Variants in ENPP3 observed in about 807,000 individuals in gnomAD.
The protein encoded by ENPP3 is ectonucleotide pyrophosphatase/phosphodiesterase family member 3.
A neutral mutation model predicts 117.8 loss-of-function variants in ENPP3; 104 were observed. The observed-to-expected ratio is 0.88, with a 90% CI of 0.75 to 1.04. The LOEUF is 1.04. Ranked by LOEUF, ENPP3 falls within the 50% of genes least tolerant of loss-of-function variation. The probability of loss-of-function intolerance (pLI) is 0.00; values close to 1 mark genes in which losing one functional copy is unlikely to be tolerated. For synonymous variants in ENPP3, 380 were observed against 349.9 expected (o/e 1.09, Z -0.96); for missense variants, 1,026 against 1,051.9 (o/e 0.98, Z 0.34).
chr6:131,649,923 T>A, intron 2 of ENPP3, 104 bp from the exon 3 acceptor site: 1 of 1,175,762 alleles, frequency 8.5e-7, no homozygotes, highest in Non-Finnish European at 1.2e-6. Context: ...CATCTAGTTG[T>A]CTGTCATAGT....
At chr6:131,726,466 A>G (rs1157781449) in intron 20 of ENPP3, among the ~76,000 whole-genome samples, 1 of 152,226 alleles carries the variant, frequency 6.6e-6, no homozygotes, top group Non-Finnish European at 1.5e-5. Context: ...AGAAAAGGAC[A>G]TTTTAAACAG....
Position 131,726,208 on chromosome 6 carries a change from C to G in ENPP3, c.1953+8C>G. On this transcript the variant is annotated splice_region_variant and intron_variant, in intron 20 of 24. Transcript: ENST00000357639. The stretch of plus-strand genomic sequence containing the variant: ...TACACAGTCCCCCAGTTGGTAAGTT[C>G]CTGAGTCCATTGATCCATGCAGGCA... The G allele has an allele frequency of 6.2e-7, 1 of 1,611,930 alleles. No homozygotes were observed. Among genetic ancestry groups the G allele is most frequent in the Non-Finnish European group, 8.5e-7 (1 of 1,178,562 alleles).
At chr6:131,678,618 A>C (rs1778923343) in intron 11 of ENPP3, among the ~76,000 whole-genome samples, 1 of 152,200 alleles carries the variant, frequency 6.6e-6, no homozygotes, top group Non-Finnish European at 1.5e-5. Context: ...TCCCCACCCC[A>C]TGGAAACTCG....
chr6:131,694,766 G>A (rs951656325), intron 15 of ENPP3, among the ~76,000 whole-genome samples: 2 of 151,588 alleles, frequency 1.3e-5, no homozygotes, highest in South Asian at 2.1e-4. Context: ...CCCGGGAGGC[G>A]GAGGTTGCAG....
intron 1 of ENPP3, chr6:131,638,634 C>G: frequency 3.1e-6 from 1 of 323,204 alleles, no homozygotes; most frequent in East Asian, 8.9e-5. Flanking sequence ...CCATGTTGCC[C>G]AGGCTGGTCT....
chr6:131,689,901 A>C (rs1311222749), intron 14 of ENPP3, among the ~76,000 whole-genome samples: 1 of 152,182 alleles, frequency 6.6e-6, no homozygotes, highest in African/African-American at 2.4e-5. Flanking sequence ...ATAACTTTGA[A>C]GGGTTCATGA....
In ENPP3 at chr6:131,726,146, A is replaced by G. The variant is rs762712780; in HGVS notation, c.1899A>G (p.Gly633=). The G allele has an allele frequency of 1.2e-6, 2 of 1,614,042 alleles. No homozygotes were observed. Among genetic ancestry groups the G allele is most frequent in the South Asian group, 2.2e-5 (2 of 91,078 alleles). Residue 633 remains glycine (G), a synonymous_variant, in exon 20 of 25, where the codon GGA becomes GGG. Coordinates refer to ENST00000357639, the MANE Select transcript of ENPP3 (RefSeq NM_005021.5). ...CLLYHREYVS[G]FGKAMRMPMW... is the part of the protein sequence containing the mutation. ...TTTACCACAGGGAATATGTCAGTGG[A>G]TTTGGAAAAGCTATGAGGATGCCCA...
intron 21 of ENPP3, among the ~76,000 whole-genome samples, chr6:131,734,899 C>CAA (rs59698316): frequency 8.5e-5 from 7 of 82,632 alleles, no homozygotes; most frequent in Non-Finnish European, 1.2e-4. Context: ...GACTCTGTCT[C>CAA]AAAAAAAAAA....
At chr6:131,666,086 T>G (rs1326998374) in intron 6 of ENPP3, among the ~76,000 whole-genome samples, 2 of 152,180 alleles carry the variant, frequency 1.3e-5, no homozygotes, top group African/African-American at 4.8e-5. Flanking sequence ...ATGATCCCAA[T>G]TTTTTAAATA....
intron 20 of ENPP3, among the ~76,000 whole-genome samples, chr6:131,732,436 G>A (rs568273783): frequency 7.9e-5 from 12 of 152,106 alleles, no homozygotes; most frequent in Admixed American, 2.0e-4. Context: ...TTTTTAAGAC[G>A]GAGTCTCTCT....
intron 15 of ENPP3, chr6:131,699,780 GAACCCGGATTT>G (rs1779490761): frequency 1.6e-5 from 1 of 61,124 alleles, no homozygotes; most frequent in Non-Finnish European, 2.9e-5. Context: ...TATCCAAACA[GAACCCGGATTT>G]TTACAGACTG....
At chr6:131,739,475 C>T (rs369484266) in intron 23 of ENPP3, among the ~76,000 whole-genome samples, 1 of 151,914 alleles carries the variant, frequency 6.6e-6, no homozygotes, top group Non-Finnish European at 1.5e-5. Context: ...TGGAAGTGCA[C>T]GGCTGGAGGT....
At chr6:131,652,393 C>T in intron 3 of ENPP3, 149 bp from the exon 4 acceptor site, 3 of 815,614 alleles carry the variant, frequency 3.7e-6, no homozygotes, top group South Asian at 2.0e-5. Flanking sequence ...GGTGGTTTGC[C>T]CCTCATTTGG....
In ENPP3 at chr6:131,641,525, A is replaced by G; in HGVS notation, c.149A>G (p.Lys50Arg). 6.3e-7 allele frequency: 1 copy of G among 1,595,564 alleles called. No individual in the cohort carries two copies. The highest frequency in any genetic ancestry group is 8.6e-7 in the Non-Finnish European group (1 of 1,163,644). Residue 50 changes from lysine to arginine, a missense_variant, in exon 2 of 25, where the codon AAG becomes AGG. Coordinates refer to ENST00000357639, the MANE Select transcript of ENPP3 (RefSeq NM_005021.5). ...GLGLGLRKLE[K>R]QGSCRKKCFD... ...GGGCTTGGACTCAGGAAACTGGAAA[A>G]GCAAGGTATACCCCTCAGCCTTTTC...
chr6:131,640,362 C>T (rs970587165), intron 1 of ENPP3, among the ~76,000 whole-genome samples: 2 of 152,028 alleles, frequency 1.3e-5, no homozygotes, highest in African/African-American at 4.8e-5. Context: ...TCATTTTTTC[C>T]TCTCCATCCT....
chr6:131,681,200 A>G (rs145661556), intron 11 of ENPP3, among the ~76,000 whole-genome samples: 1 of 152,330 alleles, frequency 6.6e-6, no homozygotes, highest in Non-Finnish European at 1.5e-5. Context: ...ATTGAGCTGT[A>G]GATAGAGAGT....
intron 18 of ENPP3, among the ~76,000 whole-genome samples, chr6:131,723,485 G>A (rs1233324072): frequency 1.3e-5 from 2 of 152,172 alleles, no homozygotes; most frequent in Non-Finnish European, 2.9e-5. Flanking sequence ...GCTCAGAGAA[G>A]TTAGATAAAT....
At chr6:131,685,972 G>A (rs2114428723) in intron 14 of ENPP3, 65 bp downstream of exon 14, 1 of 540,958 alleles carries the variant, frequency 1.8e-6, no homozygotes, top group Non-Finnish European at 3.4e-6. Context: ...CTGGGTTTTT[G>A]AGAAATTCAT....
At chr6:131,729,218 A>G (rs930129913) in intron 20 of ENPP3, among the ~76,000 whole-genome samples, 1 of 152,210 alleles carries the variant, frequency 6.6e-6, no homozygotes, top group African/African-American at 2.4e-5. Flanking sequence ...TGTTGCAAAC[A>G]TTTTTGAACT....
Sources: gnomAD v4.1 joint callset for allele counts (sites outside exome capture counted in the v4.1 genomes callset) on GRCh38, gnomAD v4.1.1 for gene constraint, MANE v1.5 for transcripts, NCBI Gene and HGNC (gene_info 2026-07-23, HGNC 2026-07-21) for gene names.